TTLL11: variants seen among roughly 807,000 people sequenced by gnomAD.
TTLL11 encodes the protein tubulin tyrosine ligase like 11, also known as tubulin polyglutamylase TTLL11.
A neutral mutation model predicts 51.7 loss-of-function variants in TTLL11; 42 were observed. The observed-to-expected ratio is 0.81, with a 90% CI of 0.64 to 1.05. The LOEUF (loss-of-function observed/expected upper bound fraction) is 1.05, where lower values mean the gene tolerates loss of function less well. Ranked by LOEUF, TTLL11 falls within the 50% of genes least tolerant of loss-of-function variation. The pLI is 0.00. For synonymous variants in TTLL11, 381 were observed against 383.5 expected (o/e 0.99, Z 0.08); for missense variants, 799 against 940.4 (o/e 0.85, Z 1.97).
intron 6 of TTLL11, among the ~76,000 whole-genome samples, chr9:121,931,603 AAAG>A (rs1306176245): frequency 2.7e-3 from 407 of 150,750 alleles, no homozygotes; most frequent in Non-Finnish European, 5.1e-3. Context: ...AAAAAAAAAA[AAAG>A]AAAAGAAAAG....
intron 3 of TTLL11, among the ~76,000 whole-genome samples, chr9:121,997,209 G>A (rs950775587): frequency 1.4e-5 from 2 of 147,862 alleles, no homozygotes; most frequent in Non-Finnish European, 3.0e-5. Context: ...TCTAGAACAC[G>A]CCCGGGACAC....
In TTLL11 at chr9:122,072,559, G is replaced by A. The variant is rs370038768; in HGVS notation, c.462+20128C>T. Among the ~76,000 whole-genome samples, 2 of 152,158 alleles carry A rather than the reference G, an allele frequency of 1.3e-5. 1 individual carries two copies. The highest frequency in any genetic ancestry group is 4.8e-5 in the African/African-American group (2 of 41,432). On this transcript the variant is annotated intron_variant, in intron 1 of 8. Coordinates refer to ENST00000321582, the MANE Select transcript of TTLL11 (RefSeq NM_001139442.2). ...CTCGGGAGGCTGAGGCAGGCGAATT[G>A]CTTGAACCCGGGAAGTGGAGGTTTC... is the stretch of plus-strand genomic sequence containing the variant.
intron 1 of TTLL11, among the ~76,000 whole-genome samples, chr9:122,081,507 A>G (rs573048511): frequency 1.3e-5 from 2 of 152,382 alleles, no homozygotes; most frequent in African/African-American, 4.8e-5. Context: ...AATGAAATCT[A>G]CCATACTTAC....
chr9:121,860,565 C>T, intron 7 of TTLL11, 122 bp from the exon 8 acceptor site: 1 of 771,532 alleles, frequency 1.3e-6, no homozygotes, highest in Non-Finnish European at 2.1e-6. Context: ...AAATCCTATC[C>T]CTCCAATGTG....
In TTLL11 at chr9:121,816,559, T is replaced by TGC. The variant is rs2119088995; in HGVS notation, c.*6027_*6028insGC. The TGC allele has an allele frequency of 6.6e-6, 1 of 151,316 alleles. No homozygotes were observed. The highest frequency in any genetic ancestry group is 2.0e-4 in the East Asian group (1 of 5,112). 9.4% of individuals were successfully genotyped at this position (151,316 alleles called of 1,614,324 possible). ...GTGTGTGTGTGTGCGTGCGCACGTG[T>TGC]GTGCATGCGTGTGCGTGTGTGCATG... On this transcript the variant is annotated 3_prime_UTR_variant, in exon 9 of 9. Coordinates refer to ENST00000321582, the MANE Select transcript of TTLL11 (RefSeq NM_001139442.2).
intron 5 of TTLL11, among the ~76,000 whole-genome samples, chr9:121,974,500 A>T (rs1324344224): frequency 6.6e-6 from 1 of 152,094 alleles, no homozygotes; most frequent in African/African-American, 2.4e-5. Context: ...AGGGGGAGAA[A>T]AATATAACCA....
At chr9:122,053,344 G>T (rs1052295441) in intron 1 of TTLL11, among the ~76,000 whole-genome samples, 1 of 152,210 alleles carries the variant, frequency 6.6e-6, no homozygotes, top group African/African-American at 2.4e-5. Flanking sequence ...CGCAAAGGAA[G>T]AGACGAAGGG....
chr9:122,090,177 G>A lies in TTLL11; in HGVS notation c.462+2510C>T, dbSNP rs967228984. ...GAGTAGATCAACATTACCATTATGCGGCTACCGAAGTAGAAAGACTGGAAA... is the reference window on the plus strand; with the variant it reads ...GAGTAGATCAACATTACCATTATGCAGCTACCGAAGTAGAAAGACTGGAAA... On this transcript the variant is annotated intron_variant, in intron 1 of 8. Coordinates refer to ENST00000321582, the MANE Select transcript of TTLL11 (RefSeq NM_001139442.2). Among the ~76,000 whole-genome samples the A allele has an allele frequency of 5.4e-5, 8 of 147,318 alleles. No homozygotes were observed. The East Asian group carries it at 1.2e-3, about 22-fold the overall frequency.
At chr9:121,861,359 G>A (rs1838004782) in intron 7 of TTLL11, among the ~76,000 whole-genome samples, 1 of 152,200 alleles carries the variant, frequency 6.6e-6, no homozygotes, top group Non-Finnish European at 1.5e-5. Flanking sequence ...TTACAGGCGT[G>A]AGCCACTGTG....
intron 6 of TTLL11, among the ~76,000 whole-genome samples, chr9:121,950,295 G>T (rs1181914137): frequency 6.6e-6 from 1 of 152,046 alleles, no homozygotes; most frequent in Non-Finnish European, 1.5e-5. Flanking sequence ...CCGTGGGCTG[G>T]TCTGTAACCA....
At chr9:122,030,212 G>C (rs943014448) in intron 3 of TTLL11, among the ~76,000 whole-genome samples, 3 of 138,698 alleles carry the variant, frequency 2.2e-5, no homozygotes, top group East Asian at 2.4e-4. Flanking sequence ...TGGGGGGGGG[G>C]GGGTAATTAT....
At chr9:122,053,570 G>A (rs1287205832) in intron 1 of TTLL11, among the ~76,000 whole-genome samples, 1 of 152,130 alleles carries the variant, frequency 6.6e-6, no homozygotes, top group East Asian at 1.9e-4. Context: ...AATGGAGAGT[G>A]GATGAGGAGT....
intron 6 of TTLL11, among the ~76,000 whole-genome samples, chr9:121,903,232 A>T (rs1839830514): frequency 6.6e-6 from 1 of 152,178 alleles, no homozygotes; most frequent in African/African-American, 2.4e-5. Flanking sequence ...TAAAGAGAGG[A>T]GCTTGCCCAG....
intron 3 of TTLL11, among the ~76,000 whole-genome samples, chr9:122,029,321 G>A (rs1844453108): frequency 6.6e-6 from 1 of 152,128 alleles, no homozygotes; most frequent in African/African-American, 2.4e-5. Context: ...GGTTCTTCAG[G>A]AGGTATTCCA....
chr9:122,001,118 A>G (rs1487133164), intron 3 of TTLL11, among the ~76,000 whole-genome samples: 2 of 152,008 alleles, frequency 1.3e-5, no homozygotes, highest in Non-Finnish European at 2.9e-5. Context: ...TTTTCTTGAC[A>G]TGGAGTCTCA....
Position 122,036,060 on chromosome 9 carries a change from GC to G in TTLL11, c.559+3211del, listed in dbSNP as rs751624687. Among the ~76,000 whole-genome samples the G allele has an allele frequency of 5.8e-4, 89 of 152,280 alleles. 1 individual carries two copies. Among genetic ancestry groups the G allele is most frequent in the Admixed American group, 4.6e-4 (7 of 15,296 alleles). ...TCCATGCCAGTCCTGTTCTCCAGGA[GC>G]TCTCACCCTGCTGCTCCCTGGGCAA... On this transcript the variant is annotated intron_variant, in intron 2 of 8. Transcript: ENST00000321582.
rs71371905 is a variant in TTLL11, at chr9:121,972,134, GAA to G, written c.1481+1873_1481+1874del. 1.1e-3 allele frequency among the ~76,000 whole-genome samples: 125 copies of G among 115,740 alleles called. 1 individual carries two copies. In the East Asian group the frequency reaches 0.012, roughly 11 times the overall value. The allele number at this position is 115,740 out of a possible 152,430, so 75.9% of individuals were successfully genotyped here. On this transcript the variant is annotated intron_variant, in intron 6 of 8. Transcript: ENST00000321582. ...ATCCCAGAACTTAAAGTATGAAAAA[GAA>G]AAAAAAAAAAAAAGAATGCTGATGT...
intron 1 of TTLL11, among the ~76,000 whole-genome samples, chr9:122,070,863 G>T (rs1845708178): frequency 6.6e-6 from 1 of 152,112 alleles, no homozygotes; most frequent in Non-Finnish European, 1.5e-5. Context: ...TGACCTCCCT[G>T]CCATTCAGCC....
At chr9:121,914,095 C>T (rs1434119791) in intron 6 of TTLL11, among the ~76,000 whole-genome samples, 1 of 152,218 alleles carries the variant, frequency 6.6e-6, no homozygotes, top group Non-Finnish European at 1.5e-5. Context: ...GGATTTGATC[C>T]TAAGACAGCC....
Sources: allele counts gnomAD v4.1 joint callset (sites outside exome capture counted in the v4.1 genomes callset), GRCh38; gene constraint gnomAD v4.1.1; transcripts MANE v1.5; gene names NCBI Gene and HGNC (gene_info 2026-07-23, HGNC 2026-07-21).